MAGEC1: variants seen among roughly 807,000 people sequenced by gnomAD.
The protein encoded by MAGEC1 is melanoma-associated antigen C1.
In MAGEC1, 3 loss-of-function variants were observed where a neutral mutation model predicts 1.5. The observed-to-expected ratio is 1.97, with a 90% confidence interval of 0.90 to 5.10. The LOEUF (loss-of-function observed/expected upper bound fraction) is 5.10. MAGEC1 is among the 30% of genes most tolerant of loss of function. MAGEC1 has a pLI of 0.02. For missense variants in MAGEC1, 985 were observed against 803.1 expected, an observed-to-expected ratio of 1.23 and a Z score of -2.74; for synonymous variants, 357 against 310.4, an observed-to-expected ratio of 1.15 and a Z score of -1.58.
In MAGEC1 at chrX:141,905,868, T is replaced by C. The variant is rs139443648; in HGVS notation, c.464T>C (p.Phe155Ser). The C allele has an allele frequency of 2.4e-3, 2,848 of 1,199,082 alleles. 13 individuals are homozygous for C. Among genetic ancestry groups the C allele is most frequent in the Middle Eastern group, 0.014 (59 of 4,300 alleles). Residue 155 changes from phenylalanine (F) to serine (S), a missense_variant, in exon 4 of 4, where the codon TTT becomes TCT. Phe to Ser is a radical substitution (Grantham distance 155). Coordinates refer to ENST00000285879, the MANE Select transcript of MAGEC1 (RefSeq NM_005462.5). ...QSSPESTQSP[F>S]EGFPQSVLQI... The stretch of plus-strand genomic sequence containing the variant: ...TCCCCTGAGAGTACTCAAAGTCCTT[T>C]TGAGGGTTTTCCCCAGTCTGTTCTC...
chrX:141,904,717 G>A lies in MAGEC1; in HGVS notation c.-201G>A. On this transcript the variant is annotated splice_region_variant and 5_prime_UTR_variant, in exon 2 of 4. The change creates a new upstream start codon in the 5' untranslated region. Coordinates refer to ENST00000285879, the MANE Select transcript of MAGEC1 (RefSeq NM_005462.5). The stretch of plus-strand genomic sequence containing the variant: ...GGGGCTCCCTCCCTTCCTCTTGCAG[G>A]TGCTCCAGAAAGCAGGAGTTGAAGA... 1 of 245,200 alleles carries A rather than the reference G, an allele frequency of 4.1e-6. No individual in the cohort carries two copies. Among genetic ancestry groups the A allele is most frequent in the Non-Finnish European group, 7.4e-6 (1 of 135,957 alleles). The allele number at this position is 245,200 out of a possible 1,213,427, so 20.2% of individuals were successfully genotyped here. A position where few individuals can be genotyped will look rare whatever the true frequency, so the allele number is the denominator to read the frequency against.
chrX:141,905,118 C>T (rs984941718), intron 3 of MAGEC1, 42 bp downstream of exon 3: 2 of 1,207,143 alleles, frequency 1.7e-6, no homozygotes, highest in African/African-American at 3.5e-5. Context: ...TCCCTCTCTC[C>T]CTCAGTCCTG....
rs764575935 is a variant in MAGEC1 at position 141,908,185 on chromosome X, G to A, written c.2781G>A (p.Gln927=). The change falls in exon 4 of 4, where the codon CAG becomes CAA. Residue 927 remains glutamine (Q), a synonymous_variant. Transcript: ENST00000285879. The part of the protein sequence containing the change: ...RFLLLKYQVK[Q]PITKAEMLTN... ...TTCTCCTCAAATATCAAGTGAAGCA[G>A]CCTATCACAAAGGCAGAGATGCTGA... 1 of 1,211,889 alleles carries A rather than the reference G, an allele frequency of 8.3e-7. No individual in the cohort carries two copies. Among genetic ancestry groups the A allele is most frequent in the Non-Finnish European group, 1.1e-6 (1 of 895,596 alleles).
Position 141,908,909 on chromosome X carries a change from C to G in MAGEC1, c.*76C>G. 2.2e-6 allele frequency: 2 copies of G among 889,467 alleles called. No individual in the cohort carries two copies. The highest frequency in any genetic ancestry group is 3.1e-6 in the Non-Finnish European group (2 of 642,918). 73.3% of individuals were successfully genotyped at this position (889,467 alleles called of 1,213,427 possible). A position where few individuals can be genotyped will look rare whatever the true frequency, so the allele number is the denominator to read the frequency against. ...TACGTGGTGGAGGGCCTGGTTGAGG[C>G]TGGAGAGAACACAGTGCTATTTGCA... On this transcript the variant is annotated 3_prime_UTR_variant, in exon 4 of 4. Transcript: ENST00000285879.
At chrX:141,905,194 G>A (rs972757968) in intron 3 of MAGEC1, 118 bp downstream of exon 3, 146 of 1,087,408 alleles carry the variant, frequency 1.3e-4, no homozygotes, top group East Asian at 2.1e-4. Flanking sequence ...TATTCATCAT[G>A]CCTCTCTTTC....
rs77648555 is a variant in MAGEC1 at position 141,906,203 on chromosome X, T to G, written c.799T>G (p.Ser267Ala). The change falls in exon 4 of 4, where the codon TCT becomes GCT. Residue 267 changes from serine to alanine, a missense_variant. Ser to Ala is a moderately conservative substitution (Grantham distance 99). Transcript: ENST00000285879. ...TACTTTTGAGGGTTTTGCCCAGTCT[T>G]CTCTCCAGATTCCTGTGAGCCCCTC... ...QSTFEGFAQS[S>A]LQIPVSPSFS... 7.4e-6 allele frequency: 3 copies of G among 404,254 alleles called. 1 individual carries two copies. The highest frequency in any genetic ancestry group is 9.8e-6 in the Non-Finnish European group (3 of 305,186). The allele number at this position is 404,254 out of a possible 1,213,427, so 33.3% of individuals were successfully genotyped here.
In MAGEC1 at chrX:141,907,258, G is replaced by C. The variant is rs767028414; in HGVS notation, c.1854G>C (p.Gly618=). The C allele has an allele frequency of 8.3e-7, 1 of 1,208,141 alleles. No homozygotes were observed. Among genetic ancestry groups the C allele is most frequent in the South Asian group, 1.8e-5 (1 of 56,592 alleles). ...PLYFPQSPLQ[G]EEFQSSLQSP... ...ACTTTCCTCAGAGTCCTCTTCAGGG[G>C]GAGGAATTCCAGTCTTCTCTCCAGA... The change falls in exon 4 of 4, where the codon GGG becomes GGC. Residue 618 remains glycine (G), a synonymous_variant. Transcript: ENST00000285879.
rs144670021 is a variant in MAGEC1, at chrX:141,906,514, G to A, written c.1110G>A (p.Gln370=). ...AAAGTACTTTTGAGGGTTTTCCCCA[G>A]TCTCCTCTCCAGATTCCTGGGAGCC... ...SAQSTFEGFP[Q]SPLQIPGSPS... Residue 370 remains glutamine (Q), a synonymous_variant, in exon 4 of 4, where the codon CAG becomes CAA. Coordinates refer to ENST00000285879, the MANE Select transcript of MAGEC1 (RefSeq NM_005462.5). The A allele has an allele frequency of 3.3e-4, 393 of 1,194,299 alleles. 7 individuals are homozygous for A. In the African/African-American group the frequency reaches 6.3e-3, roughly 19 times the overall value.
Position 141,908,200 on chromosome X carries a change from A to C in MAGEC1, c.2796A>C (p.Ala932=). 1 of 1,211,960 alleles carries C rather than the reference A, an allele frequency of 8.3e-7. No homozygotes were observed. The highest frequency in any genetic ancestry group is 1.1e-6 in the Non-Finnish European group (1 of 895,574). The change falls in exon 4 of 4, where the codon GCA becomes GCC. Residue 932 remains alanine, a synonymous_variant. Coordinates refer to ENST00000285879, the MANE Select transcript of MAGEC1 (RefSeq NM_005462.5). ...AAGTGAAGCAGCCTATCACAAAGGC[A>C]GAGATGCTGACGAATGTCATCAGCA... ...KYQVKQPITK[A]EMLTNVISRY...
At position 141,907,257 on chromosome X, in the gene MAGEC1, G is replaced by T; in HGVS notation, c.1853G>T (p.Gly618Val). ...PLYFPQSPLQ[G>V]EEFQSSLQSP... is the part of the protein sequence containing the mutation. The stretch of plus-strand genomic sequence containing the variant: ...TACTTTCCTCAGAGTCCTCTTCAGG[G>T]GGAGGAATTCCAGTCTTCTCTCCAG... The change falls in exon 4 of 4, where the codon GGG becomes GTG. Residue 618 changes from glycine (G) to valine (V), a missense_variant. Transcript: ENST00000285879. The T allele has an allele frequency of 8.3e-7, 1 of 1,210,532 alleles. No individual in the cohort carries two copies. Among genetic ancestry groups the T allele is most frequent in the Non-Finnish European group, 1.1e-6 (1 of 895,154 alleles).
In MAGEC1 at chrX:141,904,949, C is replaced by T; in HGVS notation, c.-103-21C>T. ...TGCCTGCCAGCTGTGCCCCGAGGTG[C>T]TTTCTCGCGTCCTTCTACAGGTTCC... On this transcript the variant is annotated intron_variant, in intron 2 of 3. Coordinates refer to ENST00000285879, the MANE Select transcript of MAGEC1 (RefSeq NM_005462.5). 10 of 1,071,398 alleles carry T rather than the reference C, an allele frequency of 9.3e-6. No individual in the cohort carries two copies. The South Asian group carries it at 1.7e-4, about 19-fold the overall frequency. 88.3% of individuals were successfully genotyped at this position (1,071,398 alleles called of 1,213,427 possible). A position where few individuals can be genotyped will look rare whatever the true frequency, so the allele number is the denominator to read the frequency against.
chrX:141,907,250 C>T lies in MAGEC1; in HGVS notation c.1846C>T (p.Leu616Phe), dbSNP rs758140998. Residue 616 changes from leucine to phenylalanine, a missense_variant, in exon 4 of 4, where the codon CTT becomes TTT. Coordinates refer to ENST00000285879, the MANE Select transcript of MAGEC1 (RefSeq NM_005462.5). ...TCCTCTCTACTTTCCTCAGAGTCCTCTTCAGGGGGAGGAATTCCAGTCTTC... is the reference window on the plus strand; with the variant it reads ...TCCTCTCTACTTTCCTCAGAGTCCTTTTCAGGGGGAGGAATTCCAGTCTTC... The part of the protein sequence containing the change: ...MSPLYFPQSP[L>F]QGEEFQSSLQ... 15 of 1,210,898 alleles carry T rather than the reference C, an allele frequency of 1.2e-5. No individual in the cohort carries two copies. Among genetic ancestry groups the T allele is most frequent in the Non-Finnish European group, 1.7e-5 (15 of 895,220 alleles).
intron 1 of MAGEC1, among the ~76,000 whole-genome samples, chrX:141,904,356 A>G (rs1478610579): frequency 9.0e-6 from 1 of 110,516 alleles, no homozygotes; most frequent in African/African-American, 3.3e-5. Flanking sequence ...GCAAGTCAGC[A>G]TGGGGAGCTG....
rs1472714637 is a variant in MAGEC1 at position 141,907,601 on chromosome X, G to A, written c.2197G>A (p.Gly733Arg). 7 of 1,207,271 alleles carry A rather than the reference G, an allele frequency of 5.8e-6. No individual in the cohort carries two copies. Among genetic ancestry groups the A allele is most frequent in the African/African-American group, 1.8e-5 (1 of 56,390 alleles). ...CCACTTTCCTCAGTTTCCTCCTCAG[G>A]GGGAGGACTTCCAGTCTTCTCTCCA... The part of the protein sequence containing the change: ...PLHFPQFPPQ[G>R]EDFQSSLQSP... The change falls in exon 4 of 4, where the codon GGG becomes AGG. Residue 733 changes from glycine (G) to arginine (R), a missense_variant. Physicochemically the swap from Gly to Arg is moderately radical, Grantham distance 125. Transcript: ENST00000285879.
Position 141,906,610 on chromosome X carries a change from T to G in MAGEC1, c.1206T>G (p.Gly402=). The change falls in exon 4 of 4, where the codon GGT becomes GGG. Residue 402 remains glycine, a synonymous_variant. Coordinates refer to ENST00000285879, the MANE Select transcript of MAGEC1 (RefSeq NM_005462.5). ...AGAGAACTCACAGTACTTTTGAGGG[T>G]TTTCCCCAGTCTCCTCTCCAGATTC... The part of the protein sequence containing the change: ...SPERTHSTFE[G]FPQSPLQIPM... 1.7e-6 allele frequency: 2 copies of G among 1,195,047 alleles called. No homozygotes were observed. Among genetic ancestry groups the G allele is most frequent in the Non-Finnish European group, 2.3e-6 (2 of 886,371 alleles).
rs775152789 is a variant in MAGEC1 at position 141,905,543 on chromosome X, A to C, written c.139A>C (p.Thr47Pro). 2 of 1,206,860 alleles carry C rather than the reference A, an allele frequency of 1.7e-6. No individual in the cohort carries two copies. The highest frequency in any genetic ancestry group is 2.2e-6 in the Non-Finnish European group (2 of 894,124). The change falls in exon 4 of 4, where the codon ACC (threonine) becomes CCC (proline). Residue 47 changes from threonine to proline, a missense_variant. Transcript: ENST00000285879. ...CCAGAGTTCTCCTGAGAGCGACGAC[A>C]CCCTGTATCCTCTCCAGAGTCCTCA... The part of the protein sequence containing the change: ...IPQSSPESDD[T>P]LYPLQSPQSR...
Position 141,906,104 on chromosome X carries a change from C to T in MAGEC1, c.700C>T (p.Gln234Ter). ...TGAGGGTTTTGCCCAGTCTCCTCTCCAGATTCCTGTGAGCCCCTCCTCCTC... is the reference window on the plus strand; with the variant it reads ...TGAGGGTTTTGCCCAGTCTCCTCTCTAGATTCCTGTGAGCCCCTCCTCCTC... The part of the protein sequence containing the change: ...TFEGFAQSPL[Q>*]IPVSPSSSST... The change falls in exon 4 of 4, where the codon CAG (glutamine) becomes TAG (stop). Residue 234 changes from glutamine (Q) to a stop codon, truncating the protein, a stop_gained. Transcript: ENST00000285879. LOFTEE classifies it low-confidence loss of function (END_TRUNC). 1.1e-6 allele frequency: 1 copy of T among 939,296 alleles called. No homozygotes were observed. The highest frequency in any genetic ancestry group is 1.5e-6 in the Non-Finnish European group (1 of 674,188). 77.4% of individuals were successfully genotyped at this position (939,296 alleles called of 1,213,427 possible). A position where few individuals can be genotyped will look rare whatever the true frequency, so the allele number is the denominator to read the frequency against.
In MAGEC1 at chrX:141,907,623, TC is replaced by T; in HGVS notation, c.2221del (p.Gln741ArgfsTer4). ...PPQGEDFQSS[L>X]QSPVSICSSS... Reference sequence around the variant, plus strand: ...CAGGGGGAGGACTTCCAGTCTTCTCTCCAGAGTCCTGTGAGTATCTGCTCCT... The same window carrying T: ...CAGGGGGAGGACTTCCAGTCTTCTCTCAGAGTCCTGTGAGTATCTGCTCCT... On this transcript the variant is annotated frameshift_variant, in exon 4 of 4. Coordinates refer to ENST00000285879, the MANE Select transcript of MAGEC1 (RefSeq NM_005462.5). LOFTEE classifies it low-confidence loss of function (END_TRUNC). 8.3e-7 allele frequency: 1 copy of T among 1,208,882 alleles called. No individual in the cohort carries two copies. Among genetic ancestry groups the T allele is most frequent in the Non-Finnish European group, 1.1e-6 (1 of 894,487 alleles).
Position 141,908,243 on chromosome X carries a change from C to T in MAGEC1, c.2839C>T (p.Pro947Ser), listed in dbSNP as rs763285093. The change falls in exon 4 of 4, where the codon CCT (proline) becomes TCT (serine). Residue 947 changes from proline (P) to serine (S), a missense_variant. Physicochemically the swap from Pro to Ser is moderately conservative, Grantham distance 74 (BLOSUM62 -1). Transcript: ENST00000285879. ...NVISRYTGYF[P>S]VIFRKAREFI... ...CATCAGCAGGTACACGGGCTACTTTCCTGTGATCTTCAGGAAAGCCCGTGA... is the reference window on the plus strand; with the variant it reads ...CATCAGCAGGTACACGGGCTACTTTTCTGTGATCTTCAGGAAAGCCCGTGA... 4.1e-6 allele frequency: 5 copies of T among 1,211,533 alleles called. No individual in the cohort carries two copies. The highest frequency in any genetic ancestry group is 2.2e-5 in the Admixed American group (1 of 46,047).
Sources: allele counts gnomAD v4.1 joint callset (sites outside exome capture counted in the v4.1 genomes callset), GRCh38; gene constraint gnomAD v4.1.1; transcripts MANE v1.5; gene names NCBI Gene and HGNC (gene_info 2026-07-23, HGNC 2026-07-21).